The following COL26A1 variants were observed in gnomAD, a reference collection of about 807,000 sequenced individuals.
The protein encoded by COL26A1 is collagen alpha-1(XXVI) chain.
In COL26A1, 41 loss-of-function variants were observed where a neutral mutation model predicts 59.3. The ratio of observed to expected loss-of-function variants is 0.69; its 90% CI spans 0.54 to 0.90. COL26A1 has a LOEUF of 0.90. Ranked by LOEUF, COL26A1 falls within the 40% of genes least tolerant of loss-of-function variation. COL26A1 has a pLI of 0.00. For missense variants in COL26A1, 612 were observed against 602.3 expected (o/e 1.02, Z -0.17); for synonymous variants, 266 against 256.0 (o/e 1.04, Z -0.37).
chr7:101,527,815 G>T (rs2130627391), intron 3 of COL26A1, among the ~76,000 whole-genome samples: 1 of 152,098 alleles, frequency 6.6e-6, no homozygotes, highest in South Asian at 2.1e-4. Flanking sequence ...TTCTCGGAGG[G>T]GCCAGGCATT....
intron 3 of COL26A1, among the ~76,000 whole-genome samples, chr7:101,515,696 C>CT (rs1795014721): frequency 1.3e-5 from 2 of 151,858 alleles, no homozygotes; most frequent in African/African-American, 4.8e-5. Flanking sequence ...TCAAGTGATT[C>CT]TCATGCCTCA....
At chr7:101,385,037 C>A (rs1445123968) in intron 1 of COL26A1, among the ~76,000 whole-genome samples, 2 of 152,090 alleles carry the variant, frequency 1.3e-5, no homozygotes, top group African/African-American at 2.4e-5. Flanking sequence ...CTTTCACCTT[C>A]TCTGCCTGCT....
chr7:101,489,767 T>G (rs1456099346), intron 3 of COL26A1, among the ~76,000 whole-genome samples: 39 of 3,392 alleles, frequency 0.011, 6 homozygotes, highest in Non-Finnish European at 0.016. Context: ...TCTTTCTTTC[T>G]TTCTTTCTTT....
At chr7:101,374,827 G>T (rs1791274344) in intron 1 of COL26A1, among the ~76,000 whole-genome samples, 1 of 151,922 alleles carries the variant, frequency 6.6e-6, no homozygotes, top group African/African-American at 2.4e-5. Context: ...AGGCCAAGGC[G>T]GGCAGATCAT....
intron 3 of COL26A1, among the ~76,000 whole-genome samples, chr7:101,497,383 A>G (rs1794613252): frequency 6.6e-6 from 1 of 152,050 alleles, no homozygotes; most frequent in Non-Finnish European, 1.5e-5. Context: ...TCTTAAAGGT[A>G]TTTAACCCTG....
chr7:101,556,896 G>A lies in COL26A1; in HGVS notation c.1166-474G>A, dbSNP rs566369408. On this transcript the variant is annotated intron_variant, in intron 12 of 12. Coordinates refer to ENST00000313669, the MANE Select transcript of COL26A1 (RefSeq NM_001278563.3). ...GCATAGATAAATGAATGACTGAGTG[G>A]ATGGATGGATGGATGGATGGATGGA... Among the ~76,000 whole-genome samples the A allele has an allele frequency of 1.9e-3, 269 of 145,042 alleles. 2 individuals are homozygous for A. The Middle Eastern group carries it at 0.031, about 17-fold the overall frequency.
chr7:101,412,071 G>T (rs746997375), intron 1 of COL26A1, among the ~76,000 whole-genome samples: 1 of 152,164 alleles, frequency 6.6e-6, no homozygotes, highest in Non-Finnish European at 1.5e-5. Flanking sequence ...GGGCTTGGAA[G>T]GCCAAGCCTG....
rs763020003 is a variant in COL26A1 at position 101,417,497 on chromosome 7, CT to C, written c.159-2464del. On this transcript the variant is annotated intron_variant, in intron 1 of 12. Coordinates refer to ENST00000313669, the MANE Select transcript of COL26A1 (RefSeq NM_001278563.3). ...GACAGGTGAATCCAATGCCTAATAT[CT>C]TTTTTTTTTTTTTTTAAATAGAGAC... Among the ~76,000 whole-genome samples the C allele has an allele frequency of 4.2e-3, 568 of 133,788 alleles. 1 individual carries two copies. The highest frequency in any genetic ancestry group is 0.027 in the Middle Eastern group (7 of 262). The allele number at this position is 133,788 out of a possible 152,430, so 87.8% of individuals were successfully genotyped here.
chr7:101,533,312 C>T (rs775368863), intron 4 of COL26A1, among the ~76,000 whole-genome samples, 169 bp downstream of exon 4: 21 of 152,100 alleles, frequency 1.4e-4, no homozygotes, highest in Non-Finnish European at 3.1e-4. Context: ...GCCTTGGTGG[C>T]TCTGGGTGGC....
At chr7:101,535,366 G>A (rs950590403) in intron 4 of COL26A1, among the ~76,000 whole-genome samples, 4 of 152,162 alleles carry the variant, frequency 2.6e-5, no homozygotes, top group Non-Finnish European at 4.4e-5. Context: ...TCCTAGTACC[G>A]GAAGCCTCTG....
At position 101,447,766 on chromosome 7, in the gene COL26A1, A is replaced by T. The variant is rs1417032944; in HGVS notation, c.364A>T (p.Thr122Ser). Residue 122 changes from threonine to serine, a missense_variant, in exon 3 of 13, where the codon ACC (threonine) becomes TCC (serine). Physicochemically the swap from Thr to Ser is moderately conservative, Grantham distance 58. Coordinates refer to ENST00000313669, the MANE Select transcript of COL26A1 (RefSeq NM_001278563.3). ...VLEWRCCPGF[T>S]GSNCDEECMN... Reference sequence around the variant, plus strand: ...GGAGTGGAGATGCTGCCCTGGCTTCACCGGGAGCAACTGTGATGAGGGTAA... The same window carrying T: ...GGAGTGGAGATGCTGCCCTGGCTTCTCCGGGAGCAACTGTGATGAGGGTAA... 2 of 1,602,432 alleles carry T rather than the reference A, an allele frequency of 1.2e-6. No individual in the cohort carries two copies. Among genetic ancestry groups the T allele is most frequent in the South Asian group, 2.3e-5 (2 of 88,484 alleles).
chr7:101,450,562 C>T (rs962117885), intron 3 of COL26A1, among the ~76,000 whole-genome samples: 2 of 151,950 alleles, frequency 1.3e-5, no homozygotes, highest in Admixed American at 1.3e-4. Flanking sequence ...AAATACCTCC[C>T]ACGAGCCAAG....
intron 3 of COL26A1, among the ~76,000 whole-genome samples, chr7:101,527,570 G>A (rs529271159): frequency 4.0e-5 from 6 of 151,624 alleles, no homozygotes; most frequent in East Asian, 3.9e-4. Context: ...TCTTAACCTC[G>A]TGATCCGCCC....
chr7:101,367,887 C>T (rs530354920), intron 1 of COL26A1, among the ~76,000 whole-genome samples: 6 of 152,296 alleles, frequency 3.9e-5, no homozygotes, highest in South Asian at 4.1e-4. Context: ...TATTCTGTTA[C>T]GGCAACCTTG....
chr7:101,469,737 A>G (rs1451822981), intron 3 of COL26A1, among the ~76,000 whole-genome samples: 1 of 151,922 alleles, frequency 6.6e-6, no homozygotes, highest in Non-Finnish European at 1.5e-5. Context: ...TGATCCGCCC[A>G]CCTCAGCCTC....
At chr7:101,407,326 C>G (rs529223997) in intron 1 of COL26A1, among the ~76,000 whole-genome samples, 1 of 152,232 alleles carries the variant, frequency 6.6e-6, no homozygotes, top group East Asian at 1.9e-4. Context: ...TGTCTCTGCT[C>G]GATATTCCTG....
chr7:101,453,875 C>A (rs1793403361), intron 3 of COL26A1, among the ~76,000 whole-genome samples: 1 of 152,132 alleles, frequency 6.6e-6, no homozygotes, highest in Admixed American at 6.5e-5. Flanking sequence ...CTCATTCCTG[C>A]CTCTCTGGAA....
chr7:101,512,668 C>T (rs1400553122), intron 3 of COL26A1, among the ~76,000 whole-genome samples: 1 of 152,100 alleles, frequency 6.6e-6, no homozygotes, highest in Non-Finnish European at 1.5e-5. Flanking sequence ...ACAAATTGGC[C>T]CTACCTCTGT....
intron 12 of COL26A1, among the ~76,000 whole-genome samples, chr7:101,556,664 TG>T (rs1328996422): frequency 2.0e-5 from 3 of 149,284 alleles, no homozygotes; most frequent in African/African-American, 2.5e-5. Context: ...GATGGATGGA[TG>T]ATGGATGAGT....
Sources: gnomAD v4.1 joint callset for allele counts (sites outside exome capture counted in the v4.1 genomes callset) on GRCh38, gnomAD v4.1.1 for gene constraint, MANE v1.5 for transcripts, NCBI Gene and HGNC (gene_info 2026-07-23, HGNC 2026-07-21) for gene names.